Variants in SHC2 observed in about 807,000 individuals in gnomAD.
SHC2 encodes SHC adaptor protein 2.
Under a neutral mutation model 60.6 loss-of-function variants are expected in SHC2, and 62 were observed. The ratio of observed to expected loss-of-function variants is 1.02; its 90% CI spans 0.83 to 1.26. The LOEUF is 1.26. SHC2 is among the 50% of genes most tolerant of loss of function. The pLI is 0.00. For missense variants in SHC2, 873 were observed against 822.2 expected, an observed-to-expected ratio of 1.06 and a Z score of -0.76; for synonymous variants, 375 against 372.4, an observed-to-expected ratio of 1.01 and a Z score of -0.08.
Position 421,998 on chromosome 19 carries a change from A to T in SHC2, c.1620+148T>A. ...ATCTGGAAAAACTTCATAAACATGG[A>T]AAGCTCCTGCATGCCCCGAGACCCT... is the stretch of plus-strand genomic sequence containing the variant. On this transcript the variant is annotated intron_variant, in intron 11 of 12. Transcript: ENST00000264554. 3.8e-6 allele frequency: 3 copies of T among 789,432 alleles called. No homozygotes were observed. The Middle Eastern group carries it at 1.1e-3, about 299-fold the overall frequency. 48.9% of individuals were successfully genotyped at this position (789,432 alleles called of 1,614,324 possible).
intron 9 of SHC2, among the ~76,000 whole-genome samples, chr19:429,191 A>G (rs754528123): frequency 1.3e-5 from 2 of 149,048 alleles, no homozygotes; most frequent in Non-Finnish European, 3.0e-5. Context: ...TGGATGACGC[A>G]GTACCTATAT....
At chr19:444,897 A>G (rs1250038197) in intron 1 of SHC2, among the ~76,000 whole-genome samples, 1 of 152,220 alleles carries the variant, frequency 6.6e-6, no homozygotes, top group Non-Finnish European at 1.5e-5. Context: ...CATGGGCAGC[A>G]ATGGCCCCTC....
intron 11 of SHC2, 193 bp from the exon 12 acceptor site, chr19:419,249 T>C: frequency 1.6e-6 from 1 of 616,410 alleles, no homozygotes; most frequent in Non-Finnish European, 2.7e-6. Flanking sequence ...GCACGGGCTC[T>C]GAAACCCCCA....
rs1475443975 is a variant in SHC2 at position 446,734 on chromosome 19, A to G, written c.469-5802T>C. 6.6e-6 allele frequency among the ~76,000 whole-genome samples: 1 copy of G among 152,092 alleles called. No homozygotes were observed. Among genetic ancestry groups the G allele is most frequent in the African/African-American group, 2.4e-5 (1 of 41,410 alleles). On this transcript the variant is annotated intron_variant, in intron 1 of 12. Transcript: ENST00000264554. This position sits in a 1 kb window ranked among gnomAD's most constrained non-coding sequence, Gnocchi z 5.4. ...TTCCCCTTTGCAAATTCAGAAACTGAGGCCCAGAGAGAAGGCATGACCCAG... is the reference window on the plus strand; with the variant it reads ...TTCCCCTTTGCAAATTCAGAAACTGGGGCCCAGAGAGAAGGCATGACCCAG...
At position 446,557 on chromosome 19, in the gene SHC2, G is replaced by A. The variant is rs561346058; in HGVS notation, c.469-5625C>T. 3.9e-5 allele frequency among the ~76,000 whole-genome samples: 6 copies of A among 152,064 alleles called. No homozygotes were observed. The highest frequency in any genetic ancestry group is 1.9e-4 in the East Asian group (1 of 5,162). On this transcript the variant is annotated intron_variant, in intron 1 of 12. Transcript: ENST00000264554. The surrounding 1 kb of genome is among the most constrained non-coding windows in gnomAD (Gnocchi z 5.4). ...ATCTCTTGACCTTGTGATCCGCCTC[G>A]GTCTCCCAAAGTGCTGGGACTACAG...
At chr19:431,259 G>A (rs1406531695) in intron 8 of SHC2, among the ~76,000 whole-genome samples, 11 of 151,884 alleles carry the variant, frequency 7.2e-5, no homozygotes, top group Non-Finnish European at 1.2e-4. Context: ...AGAGGAGGCC[G>A]GGCAGATAGA....
intron 5 of SHC2, 51 bp from the exon 6 acceptor site, chr19:436,482 T>C: frequency 6.3e-7 from 1 of 1,599,708 alleles, no homozygotes. Context: ...CCACCGGGAT[T>C]CCCAGCTGCC....
Position 424,168 on chromosome 19 carries a change from G to A in SHC2, c.1309+929C>T, listed in dbSNP as rs1022775603. On this transcript the variant is annotated intron_variant, in intron 10 of 12. Transcript: ENST00000264554. The surrounding 1 kb of genome is among the most constrained non-coding windows in gnomAD (Gnocchi z 4.5). ...CTCCGTGCTGGAGAAGGGCAGAGTCGAGGCTGCAGGAAATCAGGAGAGAAC... is the reference window on the plus strand; with the variant it reads ...CTCCGTGCTGGAGAAGGGCAGAGTCAAGGCTGCAGGAAATCAGGAGAGAAC... Among the ~76,000 whole-genome samples the A allele has an allele frequency of 1.1e-4, 17 of 152,300 alleles. No homozygotes were observed. Among genetic ancestry groups the A allele is most frequent in the South Asian group, 4.2e-4 (2 of 4,818 alleles).
At chr19:426,312 A>C (rs1974414319) in intron 9 of SHC2, among the ~76,000 whole-genome samples, 1 of 152,174 alleles carries the variant, frequency 6.6e-6, no homozygotes, top group Admixed American at 6.5e-5. Flanking sequence ...GATGGGTGAG[A>C]GGGAAGAAAC....
At chr19:437,808 C>T (rs183455437) in intron 4 of SHC2, among the ~76,000 whole-genome samples, 164 of 152,218 alleles carry the variant, frequency 1.1e-3, no homozygotes, top group Admixed American at 1.8e-3. Context: ...ACTTCTCCGA[C>T]AAGGCGATGC....
At chr19:456,133 G>T (rs758241730) in intron 1 of SHC2, among the ~76,000 whole-genome samples, 27 of 152,198 alleles carry the variant, frequency 1.8e-4, no homozygotes, top group Non-Finnish European at 2.9e-4. Context: ...TTCCCTCAGT[G>T]CACAGGGTCC....
intron 1 of SHC2, among the ~76,000 whole-genome samples, chr19:452,717 T>C (rs1975230318): frequency 6.6e-6 from 1 of 152,216 alleles, no homozygotes; most frequent in African/African-American, 2.4e-5. Context: ...ATAGTGGTAG[T>C]TGATCGGCAG....
chr19:426,562 G>A (rs1328509533), intron 9 of SHC2, among the ~76,000 whole-genome samples: 1 of 53,264 alleles, frequency 1.9e-5, no homozygotes, highest in East Asian at 8.0e-4. Flanking sequence ...GAGGGAGGAC[G>A]ACACCGAGAG....
At chr19:457,411 G>A (rs926120296) in intron 1 of SHC2, among the ~76,000 whole-genome samples, 2 of 152,216 alleles carry the variant, frequency 1.3e-5, no homozygotes, top group Admixed American at 1.3e-4. Context: ...CACGGCCGGG[G>A]TTTCCATGGC....
Position 460,806 on chromosome 19 carries a change from G to C in SHC2, c.191C>G (p.Pro64Arg). Reference protein sequence around the residue: ...AGASGGADPQPEPAGPGGVPA... With the variant: ...AGASGGADPQREPAGPGGVPA... ...GACGCCCCCCGGGCCCGCCGGCTCG[G>C]GTTGGGGGTCCGCGCCCCCCGAGGC... Residue 64 changes from proline (P) to arginine (R), a missense_variant, in exon 1 of 13, where the codon CCC becomes CGC. By Grantham distance (103) the Pro-to-Arg change is moderately radical. Coordinates refer to ENST00000264554, the MANE Select transcript of SHC2 (RefSeq NM_012435.3). 1 of 979,334 alleles carries C rather than the reference G, an allele frequency of 1.0e-6. No individual in the cohort carries two copies. The highest frequency in any genetic ancestry group is 1.2e-6 in the Non-Finnish European group (1 of 827,664). The allele number at this position is 979,334 out of a possible 1,614,324, so 60.7% of individuals were successfully genotyped here. A position where few individuals can be genotyped will look rare whatever the true frequency, so the allele number is the denominator to read the frequency against.
At chr19:458,339 A>G (rs1975425427) in intron 1 of SHC2, among the ~76,000 whole-genome samples, 2 of 86,164 alleles carry the variant, frequency 2.3e-5, no homozygotes, top group African/African-American at 9.0e-5. Flanking sequence ...GGTTCCGGGG[A>G]GACAGAAGCG....
chr19:458,165 G>A (rs1269400111), intron 1 of SHC2, among the ~76,000 whole-genome samples: 14 of 140,508 alleles, frequency 1.0e-4, no homozygotes, highest in South Asian at 6.7e-4. Context: ...AGCGGGTTCC[G>A]GGGAGGCAGA....
chr19:445,361 C>T lies in SHC2; in HGVS notation c.469-4429G>A, dbSNP rs561489348. ...CGTGAGGACACAGGAGAACACGGCC[C>T]TCTGTAAAGAGGCCCTCGCCAGACA... is the stretch of plus-strand genomic sequence containing the variant. On this transcript the variant is annotated intron_variant, in intron 1 of 12. Coordinates refer to ENST00000264554, the MANE Select transcript of SHC2 (RefSeq NM_012435.3). This position sits in a 1 kb window ranked among gnomAD's most constrained non-coding sequence, Gnocchi z 4.4. 2.0e-4 allele frequency among the ~76,000 whole-genome samples: 31 copies of T among 152,340 alleles called. No individual in the cohort carries two copies. The highest frequency in any genetic ancestry group is 7.2e-4 in the African/African-American group (30 of 41,580).
At chr19:428,477 G>C (rs1974474941) in intron 9 of SHC2, among the ~76,000 whole-genome samples, 1 of 152,218 alleles carries the variant, frequency 6.6e-6, no homozygotes, top group Non-Finnish European at 1.5e-5. Context: ...CACAGTGTGG[G>C]AAGAACCCCT....
Sources: gnomAD v4.1 joint callset for allele counts (sites outside exome capture counted in the v4.1 genomes callset) on GRCh38, gnomAD v4.1.1 for gene constraint, Gnocchi (gnomAD v3.1) non-coding constraint, MANE v1.5 for transcripts, NCBI Gene and HGNC (gene_info 2026-07-23, HGNC 2026-07-21) for gene names.